The following CTNNAL1 variants were observed in gnomAD, a reference collection of about 807,000 sequenced individuals.
CTNNAL1 encodes alpha-catulin.
CTNNAL1 carries 69 observed loss-of-function variants against 93.6 expected under a neutral mutation model. The observed-to-expected ratio is 0.74, with a 90% CI of 0.61 to 0.90. The LOEUF (loss-of-function observed/expected upper bound fraction) is 0.90. Ranked by LOEUF, CTNNAL1 falls within the 40% of genes least tolerant of loss-of-function variation. The probability of loss-of-function intolerance (pLI) is 0.00; values close to 1 mark genes in which losing one functional copy is unlikely to be tolerated. For missense variants in CTNNAL1, 836 were observed against 862.0 expected, an observed-to-expected ratio of 0.97 and a Z score of 0.38; for synonymous variants, 286 against 305.4, an observed-to-expected ratio of 0.94 and a Z score of 0.66.
At chr9:108,945,144 C>T (rs1830363400) in intron 15 of CTNNAL1, among the ~76,000 whole-genome samples, 1 of 152,202 alleles carries the variant, frequency 6.6e-6, no homozygotes, top group Admixed American at 6.5e-5. Context: ...TCTCTCTCCA[C>T]TCCTGAACTA....
chr9:108,947,140 G>A (rs1235923457), intron 15 of CTNNAL1, among the ~76,000 whole-genome samples: 2 of 144,204 alleles, frequency 1.4e-5, no homozygotes, highest in African/African-American at 5.1e-5. Flanking sequence ...TTGAGATGGA[G>A]TCTTGCTCTG....
intron 4 of CTNNAL1, among the ~76,000 whole-genome samples, chr9:108,989,777 C>T (rs575657739): frequency 3.3e-5 from 5 of 152,290 alleles, no homozygotes; most frequent in East Asian, 1.9e-4. Flanking sequence ...TGGCTGGGCA[C>T]GGTGATTCAC....
chr9:108,987,824 CTGTT>C (rs1420880197), intron 4 of CTNNAL1, among the ~76,000 whole-genome samples: 1 of 152,146 alleles, frequency 6.6e-6, no homozygotes, highest in East Asian at 1.9e-4. Context: ...ATTTGGCTCT[CTGTT>C]TGTCTGTTAT....
At chr9:108,995,804 T>C (rs1831995138) in intron 2 of CTNNAL1, among the ~76,000 whole-genome samples, 1 of 152,188 alleles carries the variant, frequency 6.6e-6, no homozygotes, top group Non-Finnish European at 1.5e-5. Context: ...TGTGAAATGA[T>C]AGATGCATTA....
intron 1 of CTNNAL1, among the ~76,000 whole-genome samples, chr9:109,003,843 T>C (rs542917643): frequency 3.3e-5 from 5 of 152,328 alleles, no homozygotes; most frequent in African/African-American, 1.2e-4. Context: ...AAGAGGTTAC[T>C]TGCAGGTGAG....
chr9:108,952,281 T>G lies in CTNNAL1; in HGVS notation c.1763A>C (p.Asp588Ala). The change falls in exon 14 of 19, where the codon GAT becomes GCT. Residue 588 changes from aspartate to alanine, a missense_variant. Asp to Ala is a moderately radical substitution (Grantham distance 126, BLOSUM62 -2). Transcript: ENST00000325551. ...DADCEIEKWEDQENEIVQYGR... is the reference protein window; with the variant it reads ...DADCEIEKWEAQENEIVQYGR... The stretch of plus-strand genomic sequence containing the variant: ...ATATTGAACAATCTCATTCTCCTGA[T>G]CTTCCCACTTCTCAATTTCGCAGTC... 1 of 1,614,204 alleles carries G rather than the reference T, an allele frequency of 6.2e-7. No homozygotes were observed. The highest frequency in any genetic ancestry group is 8.5e-7 in the Non-Finnish European group (1 of 1,180,026).
At chr9:108,963,467 T>G (rs1015198376) in intron 11 of CTNNAL1, 11 of 152,174 alleles carry the variant, frequency 7.2e-5, no homozygotes, top group Non-Finnish European at 1.5e-4. Flanking sequence ...AACACAAACC[T>G]CTTCAGCACT....
Position 108,999,193 on chromosome 9 carries a change from G to C in CTNNAL1, c.205C>G (p.Gln69Glu), listed in dbSNP as rs780144620. ...KKSDKTLQAI[Q>E]RVGQAVNLAV... ...AAGTTGACAGCTTGTCCTACACGCT[G>C]AATTGCTTGCAGAGTTTTATCAGAC... The change falls in exon 2 of 19, where the codon CAG (glutamine) becomes GAG (glutamate). Residue 69 changes from glutamine (Q) to glutamate (E), a missense_variant. Gln to Glu is a conservative substitution (Grantham distance 29). Coordinates refer to ENST00000325551, the MANE Select transcript of CTNNAL1 (RefSeq NM_003798.4). 1.9e-6 allele frequency: 3 copies of C among 1,612,852 alleles called. No homozygotes were observed. Among genetic ancestry groups the C allele is most frequent in the Non-Finnish European group, 2.5e-6 (3 of 1,179,496 alleles).
At chr9:108,972,864 G>GGGGGGGGCTCC in intron 8 of CTNNAL1, 31 bp from the exon 9 acceptor site, 1 of 142,590 alleles carries the variant, frequency 7.0e-6, no homozygotes, top group Non-Finnish European at 1.0e-5. Context: ...GGGGGGGTGG[G>GGGGGGGGCTCC]AGGGTGGAGA....
chr9:108,993,976 T>A (rs1427843944), intron 2 of CTNNAL1, among the ~76,000 whole-genome samples: 3 of 152,174 alleles, frequency 2.0e-5, no homozygotes, highest in African/African-American at 7.2e-5. Flanking sequence ...ACACCTGTAA[T>A]CCTAGCACTT....
chr9:108,975,956 G>A (rs1831255892), intron 8 of CTNNAL1, among the ~76,000 whole-genome samples: 2 of 152,106 alleles, frequency 1.3e-5, no homozygotes, highest in African/African-American at 2.4e-5. Context: ...TTTATTCAGG[G>A]AACAGGGAAA....
chr9:108,980,135 C>T (rs1047355189), intron 6 of CTNNAL1, among the ~76,000 whole-genome samples: 3 of 152,204 alleles, frequency 2.0e-5, no homozygotes, highest in Admixed American at 6.5e-5. Context: ...GCCCAAACGT[C>T]TATGTAGTAT....
At chr9:108,955,238 G>T (rs536780350) in intron 12 of CTNNAL1, among the ~76,000 whole-genome samples, 1 of 151,898 alleles carries the variant, frequency 6.6e-6, no homozygotes, top group African/African-American at 2.4e-5. Flanking sequence ...CACCCACCTC[G>T]GCCTCCCAAA....
chr9:109,007,784 T>C (rs1432525360), intron 1 of CTNNAL1, among the ~76,000 whole-genome samples: 1 of 152,206 alleles, frequency 6.6e-6, no homozygotes, highest in African/African-American at 2.4e-5. Flanking sequence ...TCAGTATCTC[T>C]GACAGCCCAT....
At position 108,944,036 on chromosome 9, in the gene CTNNAL1, C is replaced by T. The variant is rs758462515; in HGVS notation, c.1885-18G>A. 4.8e-5 allele frequency: 77 copies of T among 1,610,290 alleles called. No homozygotes were observed. The highest frequency in any genetic ancestry group is 6.5e-5 in the Non-Finnish European group (76 of 1,177,502). On this transcript the variant is annotated intron_variant, in intron 15 of 18. Coordinates refer to ENST00000325551, the MANE Select transcript of CTNNAL1 (RefSeq NM_003798.4). ...GCAAAAACCTGGTAGAAAGAGAAAACACCACTATTTTAGACTGATGTCTAT... is the reference window on the plus strand; with the variant it reads ...GCAAAAACCTGGTAGAAAGAGAAAATACCACTATTTTAGACTGATGTCTAT...
intron 15 of CTNNAL1, among the ~76,000 whole-genome samples, chr9:108,944,325 G>T (rs1183048244): frequency 6.6e-6 from 1 of 152,144 alleles, no homozygotes; most frequent in Non-Finnish European, 1.5e-5. Flanking sequence ...TCTAGATTAC[G>T]CAAGGGACCT....
chr9:109,012,181 T>C (rs1314209505), intron 1 of CTNNAL1, among the ~76,000 whole-genome samples: 10 of 152,134 alleles, frequency 6.6e-5, no homozygotes, highest in Non-Finnish European at 1.5e-4. Context: ...TCCAGGGACA[T>C]GTGTAACTGC....
intron 11 of CTNNAL1, 111 bp from the exon 12 acceptor site, chr9:108,955,938 G>A: frequency 1.6e-6 from 1 of 642,486 alleles, no homozygotes; most frequent in South Asian, 2.6e-5. Flanking sequence ...TAGTACATTA[G>A]TTTTGATAAC....
chr9:108,969,510 A>C (rs1831049582), intron 10 of CTNNAL1, among the ~76,000 whole-genome samples: 1 of 152,340 alleles, frequency 6.6e-6, no homozygotes, highest in Non-Finnish European at 1.5e-5. Flanking sequence ...ATTTGTATAC[A>C]TACAAATCTG....
Sources: gnomAD v4.1 joint callset for allele counts (sites outside exome capture counted in the v4.1 genomes callset) on GRCh38, gnomAD v4.1.1 for gene constraint, MANE v1.5 for transcripts, NCBI Gene and HGNC (gene_info 2026-07-23, HGNC 2026-07-21) for gene names.